Variants in PCDH15 observed in about 807,000 individuals in gnomAD.
PCDH15 encodes protocadherin related 15.
A neutral mutation model predicts 178.5 loss-of-function variants in PCDH15; 129 were observed. That is an observed-to-expected ratio of 0.72 (90% confidence interval 0.63 to 0.84). The LOEUF (loss-of-function observed/expected upper bound fraction) is 0.84, where lower values mean the gene tolerates loss of function less well. Ranked by LOEUF, PCDH15 falls within the 40% of genes least tolerant of loss-of-function variation. The probability of loss-of-function intolerance (pLI) is 0.00; values close to 1 mark genes in which losing one functional copy is unlikely to be tolerated. For missense variants in PCDH15, 2,230 were observed against 2,099.9 expected (o/e 1.06, Z -1.21); for synonymous variants, 800 against 732.0 (o/e 1.09, Z -1.50).
chr10:55,248,584 T>C (rs541106540), intron 1 of PCDH15, among the ~76,000 whole-genome samples: 1 of 152,264 alleles, frequency 6.6e-6, no homozygotes, highest in Admixed American at 6.5e-5. Context: ...TGTCCCCTTT[T>C]TTTTGAGACA....
chr10:55,159,944 A>C (rs1839017568), intron 2 of PCDH15, among the ~76,000 whole-genome samples: 1 of 151,756 alleles, frequency 6.6e-6, no homozygotes, highest in Non-Finnish European at 1.5e-5. Flanking sequence ...AAACCATCTT[A>C]TGTGCTTCTG....
At chr10:54,461,636 G>A (rs2077172166) in intron 3 of PCDH15, among the ~76,000 whole-genome samples, 1 of 152,088 alleles carries the variant, frequency 6.6e-6, no homozygotes, top group South Asian at 2.1e-4. Context: ...CAAACTGTGT[G>A]CAAATATTAA....
At chr10:54,233,610 G>A (rs1418936713) in intron 9 of PCDH15, among the ~76,000 whole-genome samples, 1 of 152,142 alleles carries the variant, frequency 6.6e-6, no homozygotes, top group Non-Finnish European at 1.5e-5. Context: ...TGCTGTTAGG[G>A]GGTAGAGTGT....
chr10:55,517,751 C>T (rs996906727), intron 2 of PCDH15, among the ~76,000 whole-genome samples: 9 of 152,078 alleles, frequency 5.9e-5, no homozygotes, highest in African/African-American at 1.9e-4. Context: ...ACAATCCATA[C>T]AAGTTAATGG....
intron 3 of PCDH15, among the ~76,000 whole-genome samples, chr10:54,851,443 C>A (rs917582618): frequency 3.3e-5 from 5 of 151,966 alleles, no homozygotes; most frequent in South Asian, 2.1e-4. Context: ...CTTGAGATAA[C>A]AGACAAAAGC....
At chr10:55,266,926 C>A (rs981484574) in intron 1 of PCDH15, among the ~76,000 whole-genome samples, 2 of 152,218 alleles carry the variant, frequency 1.3e-5, no homozygotes, top group Non-Finnish European at 2.9e-5. Context: ...CACATGCCCA[C>A]TGGGGCTTCA....
At chr10:54,450,185 G>T (rs1243661911) in intron 3 of PCDH15, among the ~76,000 whole-genome samples, 1 of 146,774 alleles carries the variant, frequency 6.8e-6, no homozygotes, top group African/African-American at 2.5e-5. Flanking sequence ...GGGTACATGT[G>T]CACAACATGC....
At chr10:54,357,963 G>A (rs1248173468) in intron 5 of PCDH15, among the ~76,000 whole-genome samples, 1 of 151,858 alleles carries the variant, frequency 6.6e-6, no homozygotes, top group Non-Finnish European at 1.5e-5. Context: ...CTAGCCATAT[G>A]GAGAAAGCTG....
intron 2 of PCDH15, among the ~76,000 whole-genome samples, chr10:54,937,959 G>A (rs539835043): frequency 2.0e-5 from 3 of 152,126 alleles, no homozygotes; most frequent in African/African-American, 4.8e-5. Context: ...TCACCTTTAA[G>A]TAAGAGGATT....
intron 9 of PCDH15, among the ~76,000 whole-genome samples, chr10:54,229,149 C>T (rs1038024921): frequency 2.6e-5 from 4 of 152,152 alleles, no homozygotes; most frequent in African/African-American, 9.7e-5. Context: ...AAAATCCCTT[C>T]CCATTCCTCT....
intron 6 of PCDH15, among the ~76,000 whole-genome samples, chr10:54,334,316 A>G (rs557986874): frequency 6.6e-6 from 1 of 152,276 alleles, no homozygotes; most frequent in African/African-American, 2.4e-5. Context: ...TGTAACATCC[A>G]CGCCACACAC....
intron 2 of PCDH15, among the ~76,000 whole-genome samples, chr10:55,502,721 C>G (rs1840682594): frequency 6.6e-6 from 1 of 151,468 alleles, no homozygotes; most frequent in African/African-American, 2.4e-5. Flanking sequence ...ACTATCTTTC[C>G]TTTTTGAGTC....
intron 2 of PCDH15, among the ~76,000 whole-genome samples, chr10:55,408,176 C>T (rs1443971276): frequency 1.4e-5 from 2 of 142,356 alleles, no homozygotes; most frequent in African/African-American, 2.7e-5. Flanking sequence ...AATAAAATAA[C>T]CTTGATTCTT....
At chr10:54,396,458 T>C (rs1440524123) in intron 3 of PCDH15, among the ~76,000 whole-genome samples, 1 of 152,126 alleles carries the variant, frequency 6.6e-6, no homozygotes, top group Non-Finnish European at 1.5e-5. Flanking sequence ...CATGGGTCCA[T>C]TCCAACTAAT....
At chr10:53,876,241 G>A (rs1360049295) in intron 26 of PCDH15, among the ~76,000 whole-genome samples, 13 of 149,088 alleles carry the variant, frequency 8.7e-5, no homozygotes, top group African/African-American at 3.0e-4. Flanking sequence ...AGGATGGAGT[G>A]CAGTGGCATG....
At chr10:55,599,968 G>A (rs1458670166) in intron 2 of PCDH15, 3 of 1,497,122 alleles carry the variant, frequency 2.0e-6, no homozygotes, top group African/African-American at 1.4e-5. Flanking sequence ...TGAAGAGGCG[G>A]GTATAAATAA....
intron 2 of PCDH15, among the ~76,000 whole-genome samples, chr10:55,006,565 G>A (rs1839932629): frequency 6.6e-6 from 1 of 152,086 alleles, no homozygotes; most frequent in African/African-American, 2.4e-5. Flanking sequence ...ATCCTTCATG[G>A]CTTGATAAGT....
chr10:53,996,801 T>C (rs771371005), intron 20 of PCDH15, among the ~76,000 whole-genome samples: 4 of 152,270 alleles, frequency 2.6e-5, no homozygotes, highest in Admixed American at 6.5e-5. Context: ...GTGTTTTGGG[T>C]AGTGTGGGTC....
chr10:54,717,223 C>T lies in PCDH15; in HGVS notation c.-28-52933G>A, dbSNP rs374773380. Among the ~76,000 whole-genome samples the T allele has an allele frequency of 4.0e-5, 5 of 124,900 alleles. 1 individual carries two copies. The highest frequency in any genetic ancestry group is 2.5e-4 in the Admixed American group (3 of 12,186). 81.9% of individuals were successfully genotyped at this position (124,900 alleles called of 152,430 possible). On this transcript the variant is annotated intron_variant, in intron 1 of 37. Transcript: ENST00000644397. ...GGGCAAGGACTTCATGTCCAAAACA[C>T]CAAAAGCAATGGCAACAAAAGACAA...
Sources: allele counts gnomAD v4.1 joint callset (sites outside exome capture counted in the v4.1 genomes callset), GRCh38; gene constraint gnomAD v4.1.1; transcripts MANE v1.5; gene names NCBI Gene and HGNC (gene_info 2026-07-23, HGNC 2026-07-21).